The following SIDT1 variants were observed in gnomAD, a reference collection of about 807,000 sequenced individuals.
SIDT1 encodes SID1 transmembrane family member 1.
Under a neutral mutation model 107.5 loss-of-function variants are expected in SIDT1, and 101 were observed. The ratio of observed to expected loss-of-function variants is 0.94; its 90% CI spans 0.80 to 1.11. The LOEUF (loss-of-function observed/expected upper bound fraction) is 1.11, where lower values mean the gene tolerates loss of function less well. Ranked by LOEUF, SIDT1 falls within the 50% of genes least tolerant of loss-of-function variation. The pLI is 0.00. For synonymous variants in SIDT1, 395 were observed against 398.2 expected (o/e 0.99, Z 0.10); for missense variants, 1,076 against 1,058.2 (o/e 1.02, Z -0.23).
intron 10 of SIDT1, among the ~76,000 whole-genome samples, chr3:113,595,829 T>G (rs1944507694): frequency 6.6e-6 from 1 of 152,126 alleles, no homozygotes; most frequent in African/African-American, 2.4e-5. Flanking sequence ...TCATGACCAC[T>G]GGTGAGTCAA....
chr3:113,619,840 G>T lies in SIDT1; in HGVS notation c.2090+114G>T, dbSNP rs144342244. 5.2e-4 allele frequency: 510 copies of T among 976,580 alleles called. 2 individuals carry two copies. The East Asian group carries it at 0.012, about 23-fold the overall frequency. 60.5% of individuals were successfully genotyped at this position (976,580 alleles called of 1,614,324 possible). On this transcript the variant is annotated intron_variant, in intron 21 of 24. Transcript: ENST00000264852. ...AAATCTGAAATTAAGGAGAAGGTAG[G>T]ACTGCTTGTTCTAGAGACTCAAAAA...
At chr3:113,537,735 A>G in intron 1 of SIDT1, among the ~76,000 whole-genome samples, 1 of 152,196 alleles carries the variant, frequency 6.6e-6, no homozygotes, top group Middle Eastern at 3.2e-3. Context: ...CTGTGTCCTC[A>G]CGTGGCCAAG....
chr3:113,615,196 G>A (rs1946016218), intron 19 of SIDT1: 1 of 1,054,486 alleles, frequency 9.5e-7, no homozygotes, highest in Non-Finnish European at 1.4e-6. Flanking sequence ...AGACTCCGTG[G>A]GAGTGGGGAG....
chr3:113,595,476 G>C (rs62265526), intron 10 of SIDT1, among the ~76,000 whole-genome samples: 2 of 152,058 alleles, frequency 1.3e-5, no homozygotes, highest in African/African-American at 4.8e-5. Context: ...CTACTTCGGA[G>C]GCTGCTATGG....
At chr3:113,602,735 A>T (rs1945047482) in intron 11 of SIDT1, 4 of 291,402 alleles carry the variant, frequency 1.4e-5, no homozygotes, top group South Asian at 1.0e-4. Flanking sequence ...TTATTTTTGT[A>T]TCCAAATAGT....
Position 113,626,138 on chromosome 3 carries a change from T to A in SIDT1, c.2344T>A (p.Cys782Ser). ...CGAATCCCGGGAGAAGAACCGCGAG[T>A]GCATTCTGCTGGATTTCTTCGATGA... ...PAESREKNRECILLDFFDDHD... is the reference protein window; with the variant it reads ...PAESREKNRESILLDFFDDHD... The change falls in exon 24 of 25, where the codon TGC (cysteine) becomes AGC (serine). Residue 782 changes from cysteine to serine, a missense_variant. By Grantham distance (112) the Cys-to-Ser change is moderately radical. Transcript: ENST00000264852. 6.2e-7 allele frequency: 1 copy of A among 1,614,158 alleles called. No individual in the cohort carries two copies. Among genetic ancestry groups the A allele is most frequent in the African/African-American group, 1.3e-5 (1 of 75,046 alleles).
Position 113,608,403 on chromosome 3 carries a change from C to G in SIDT1, c.1603-16C>G, listed in dbSNP as rs369734070. ...CACTATTTAGTATCTATTGACCACC[C>G]TTTCTCCTTTTTCAGGAGTACGGGA... On this transcript the variant is annotated splice_polypyrimidine_tract_variant and intron_variant, in intron 16 of 24. Coordinates refer to ENST00000264852, the MANE Select transcript of SIDT1 (RefSeq NM_017699.3). The G allele has an allele frequency of 1.4e-5, 22 of 1,590,576 alleles. No homozygotes were observed. The highest frequency in any genetic ancestry group is 1.9e-5 in the Non-Finnish European group (22 of 1,158,748).
intron 7 of SIDT1, 146 bp downstream of exon 7, chr3:113,583,642 A>C: frequency 4.0e-6 from 2 of 503,816 alleles, no homozygotes; most frequent in Non-Finnish European, 3.6e-6. Context: ...GATACTTGAG[A>C]AAAAAAACGA....
intron 13 of SIDT1, 63 bp from the exon 14 acceptor site, chr3:113,604,847 A>G (rs1017642024): frequency 7.0e-6 from 11 of 1,581,328 alleles, no homozygotes; most frequent in Non-Finnish European, 8.7e-6. Context: ...TTTTAAAAAT[A>G]TTAACCAAAG....
Position 113,576,967 on chromosome 3 carries a change from G to C in SIDT1, c.561G>C (p.Gln187His). 6.2e-7 allele frequency: 1 copy of C among 1,614,036 alleles called. No individual in the cohort carries two copies. The change falls in exon 4 of 25, where the codon CAG becomes CAC. Residue 187 changes from glutamine (Q) to histidine (H), a missense_variant and splice_region_variant. By Grantham distance (24) the Gln-to-His change is conservative. Coordinates refer to ENST00000264852, the MANE Select transcript of SIDT1 (RefSeq NM_017699.3). ...FHFTASPSQP[Q>H]YFLYKFPKDV... ...TTACTGCCAGCCCCTCTCAACCTCA[G>C]GTAAGTGAAGGGGTTCCAAGAGTTA...
At position 113,590,854 on chromosome 3, in the gene SIDT1, G is replaced by A. The variant is rs150565028; in HGVS notation, c.1002-2151G>A. 1.4e-3 allele frequency among the ~76,000 whole-genome samples: 211 copies of A among 152,302 alleles called. 1 individual carries two copies. Among genetic ancestry groups the A allele is most frequent in the African/African-American group, 4.5e-3 (189 of 41,562 alleles). ...GACATCCCATGTGCATGGATTGGAA[G>A]ATTTAATATTGTTAAGATAATGCAG... On this transcript the variant is annotated intron_variant, in intron 9 of 24. Transcript: ENST00000264852.
chr3:113,609,058 C>CTTTTTTTTTTT (rs11453487), intron 17 of SIDT1, among the ~76,000 whole-genome samples: 14 of 86,680 alleles, frequency 1.6e-4, no homozygotes, highest in African/African-American at 6.0e-4. Context: ...TGAGCCCATT[C>CTTTTTTTTTTT]TTTTTTTTTT....
chr3:113,560,403 C>T (rs962498745), intron 1 of SIDT1, among the ~76,000 whole-genome samples: 5 of 152,210 alleles, frequency 3.3e-5, no homozygotes, highest in Admixed American at 6.5e-5. Context: ...CGAGCCTCCT[C>T]GAGGGCACAG....
rs745840114 is a variant in SIDT1 at position 113,603,040 on chromosome 3, T to C, written c.1153T>C (p.Ser385Pro). ...CTCCAGTCCTGGAAGGCAGATGTCC[T>C]CCTCCGATGGTGGGCCACCGGGCCA... ...SSSSPGRQMSSSDGGPPGQSD... is the reference protein window; with the variant it reads ...SSSSPGRQMSPSDGGPPGQSD... The change falls in exon 12 of 25, where the codon TCC becomes CCC. Residue 385 changes from serine to proline, a missense_variant. Physicochemically the swap from Ser to Pro is moderately conservative, Grantham distance 74. Transcript: ENST00000264852. The C allele has an allele frequency of 1.1e-4, 174 of 1,614,006 alleles. 5 individuals are homozygous for C. The South Asian group carries it at 1.9e-3, about 17-fold the overall frequency.
chr3:113,586,042 CTG>C (rs1292685216), intron 9 of SIDT1, among the ~76,000 whole-genome samples: 2 of 152,176 alleles, frequency 1.3e-5, no homozygotes, highest in Non-Finnish European at 2.9e-5. Context: ...AGTTTTGAGA[CTG>C]TTTGCAAAAT....
At chr3:113,591,418 A>G (rs1245474861) in intron 9 of SIDT1, among the ~76,000 whole-genome samples, 2 of 152,182 alleles carry the variant, frequency 1.3e-5, no homozygotes, top group Non-Finnish European at 2.9e-5. Context: ...TGGCTTTTTT[A>G]CAGAAATGGA....
In SIDT1 at chr3:113,594,706, A is replaced by G. The variant is rs142877989; in HGVS notation, c.1045+1658A>G. Among the ~76,000 whole-genome samples the G allele has an allele frequency of 4.6e-3, 707 of 152,330 alleles. 9 individuals are homozygous for G. Among genetic ancestry groups the G allele is most frequent in the African/African-American group, 0.017 (688 of 41,574 alleles). On this transcript the variant is annotated intron_variant, in intron 10 of 24. Coordinates refer to ENST00000264852, the MANE Select transcript of SIDT1 (RefSeq NM_017699.3). ...GGTACCCTTCTGATGGTAAGCGGAAACAAATGAGTGACCAAAAAGAGTAAA... is the reference window on the plus strand; with the variant it reads ...GGTACCCTTCTGATGGTAAGCGGAAGCAAATGAGTGACCAAAAAGAGTAAA...
intron 1 of SIDT1, among the ~76,000 whole-genome samples, chr3:113,540,907 A>C (rs1001595704): frequency 2.0e-5 from 3 of 151,950 alleles, no homozygotes; most frequent in African/African-American, 7.3e-5. Context: ...TGATACCTTC[A>C]CCCTCTCTTT....
chr3:113,614,294 C>T (rs1313749425), intron 19 of SIDT1, among the ~76,000 whole-genome samples: 1 of 152,186 alleles, frequency 6.6e-6, no homozygotes. Flanking sequence ...TGATATCATC[C>T]ACACAGGCCC....
Sources: gnomAD v4.1 joint callset for allele counts (sites outside exome capture counted in the v4.1 genomes callset) on GRCh38, gnomAD v4.1.1 for gene constraint, MANE v1.5 for transcripts, NCBI Gene and HGNC (gene_info 2026-07-23, HGNC 2026-07-21) for gene names.